Variants in APPL2 observed in about 807,000 individuals in gnomAD.
APPL2 encodes the protein DCC-interacting protein 13-beta.
A neutral mutation model predicts 92.7 loss-of-function variants in APPL2; 84 were observed. The ratio of observed to expected loss-of-function variants is 0.91; its 90% CI spans 0.76 to 1.09. The LOEUF (loss-of-function observed/expected upper bound fraction) is 1.09, where lower values mean the gene tolerates loss of function less well. Among genes scored for constraint, APPL2 ranks in the 50% least tolerant of loss-of-function variants. APPL2 has a pLI of 0.00. For synonymous variants in APPL2, 291 were observed against 291.0 expected, an observed-to-expected ratio of 1.00 and a Z score of 0.00; for missense variants, 736 against 824.5, an observed-to-expected ratio of 0.89 and a Z score of 1.31.
chr12:105,214,549 T>C (rs752374696), intron 4 of APPL2, among the ~76,000 whole-genome samples: 1 of 152,272 alleles, frequency 6.6e-6, no homozygotes, highest in Non-Finnish European at 1.5e-5. Context: ...TGTGATATCA[T>C]GATATAATAA....
At chr12:105,174,731 ATCTT>A (rs1205242356) in intron 20 of APPL2, among the ~76,000 whole-genome samples, 5 of 152,200 alleles carry the variant, frequency 3.3e-5, no homozygotes, top group African/African-American at 4.8e-5. Context: ...TGTCTTCTCT[ATCTT>A]TAAACTCCTT....
intron 4 of APPL2, among the ~76,000 whole-genome samples, chr12:105,212,917 A>G (rs560859759): frequency 2.0e-5 from 3 of 152,338 alleles, no homozygotes; most frequent in Non-Finnish European, 4.4e-5. Flanking sequence ...CTATCGCTCA[A>G]CCAAGTCAAA....
At chr12:105,208,960 A>G (rs1888991382) in intron 5 of APPL2, among the ~76,000 whole-genome samples, 1 of 152,232 alleles carries the variant, frequency 6.6e-6, no homozygotes, top group East Asian at 1.9e-4. Flanking sequence ...TGGTTATACT[A>G]GTTTTCAATT....
At chr12:105,183,277 G>C (rs1297156503) in intron 17 of APPL2, among the ~76,000 whole-genome samples, 1 of 152,098 alleles carries the variant, frequency 6.6e-6, no homozygotes, top group East Asian at 1.9e-4. Flanking sequence ...ATATTGTTAT[G>C]TGTGAATGTG....
intron 11 of APPL2, among the ~76,000 whole-genome samples, chr12:105,197,238 A>C (rs1024923583): frequency 6.6e-6 from 1 of 152,182 alleles, no homozygotes; most frequent in African/African-American, 2.4e-5. Context: ...GCGGATTGGT[A>C]AAGTACCACC....
At chr12:105,199,151 G>A (rs988256834) in intron 10 of APPL2, among the ~76,000 whole-genome samples, 9 of 152,154 alleles carry the variant, frequency 5.9e-5, no homozygotes, top group Non-Finnish European at 1.2e-4. Flanking sequence ...ACAGCACCAG[G>A]CTCTTAGAGG....
At chr12:105,200,114 G>A (rs1236937595) in intron 9 of APPL2, among the ~76,000 whole-genome samples, 4 of 152,046 alleles carry the variant, frequency 2.6e-5, no homozygotes, top group Non-Finnish European at 5.9e-5. Flanking sequence ...GATTACAGGC[G>A]TGAGCCACCG....
chr12:105,180,339 C>G (rs369792307), intron 17 of APPL2, among the ~76,000 whole-genome samples: 1 of 152,234 alleles, frequency 6.6e-6, no homozygotes, highest in African/African-American at 2.4e-5. Context: ...GTCTATATAT[C>G]TGTTTTGGTA....
chr12:105,233,791 G>A (rs1451413961), intron 1 of APPL2, among the ~76,000 whole-genome samples: 1 of 152,192 alleles, frequency 6.6e-6, no homozygotes, highest in Non-Finnish European at 1.5e-5. Context: ...CTGCTCCTTA[G>A]TTATTTAAAT....
chr12:105,198,511 T>C (rs564832856), intron 10 of APPL2, among the ~76,000 whole-genome samples: 9 of 152,336 alleles, frequency 5.9e-5, no homozygotes, highest in African/African-American at 1.9e-4. Flanking sequence ...ATTTAGCTTG[T>C]GATCGCTGCA....
At chr12:105,219,090 G>A (rs546868577) in intron 2 of APPL2, among the ~76,000 whole-genome samples, 7 of 152,218 alleles carry the variant, frequency 4.6e-5, no homozygotes, top group Non-Finnish European at 8.8e-5. Flanking sequence ...CACAGATGAT[G>A]GGAGGACACT....
chr12:105,195,547 C>A, intron 12 of APPL2, 38 bp downstream of exon 12: 1 of 1,614,208 alleles, frequency 6.2e-7, no homozygotes, highest in Non-Finnish European at 8.5e-7. Context: ...AAGTCACCCA[C>A]CACGTTAGGA....
At chr12:105,200,193 A>C (rs1181066764) in intron 9 of APPL2, among the ~76,000 whole-genome samples, 1 of 152,128 alleles carries the variant, frequency 6.6e-6, no homozygotes, top group Admixed American at 6.5e-5. Flanking sequence ...CCGTTGATGG[A>C]AATTTTTGGA....
chr12:105,206,791 AAAAG>A, intron 8 of APPL2: 1 of 313,996 alleles, frequency 3.2e-6, no homozygotes, highest in East Asian at 6.1e-5. Flanking sequence ...GGATTAGAAA[AAAAG>A]GGCCACACAG....
chr12:105,216,332 G>C (rs2136043584), intron 4 of APPL2, among the ~76,000 whole-genome samples: 1 of 152,094 alleles, frequency 6.6e-6, no homozygotes, highest in East Asian at 1.9e-4. Flanking sequence ...GGGCAACAAA[G>C]CAAGAGGCCA....
In APPL2 at chr12:105,195,570, A is replaced by C; in HGVS notation, c.1095+15T>G. 1.2e-6 allele frequency: 2 copies of C among 1,614,256 alleles called. No homozygotes were observed. Among genetic ancestry groups the C allele is most frequent in the Non-Finnish European group, 1.7e-6 (2 of 1,180,046 alleles). On this transcript the variant is annotated intron_variant, in intron 12 of 20. Coordinates refer to ENST00000258530, the MANE Select transcript of APPL2 (RefSeq NM_018171.5). Reference sequence around the variant, plus strand: ...CACCACGTTAGGAAAGAAATATGACAAACAAAATTTTTACCTCTTCATTTT... The same window carrying C: ...CACCACGTTAGGAAAGAAATATGACCAACAAAATTTTTACCTCTTCATTTT...
intron 2 of APPL2, among the ~76,000 whole-genome samples, chr12:105,227,032 G>A (rs1311668532): frequency 6.6e-6 from 1 of 151,606 alleles, no homozygotes; most frequent in Non-Finnish European, 1.5e-5. Flanking sequence ...GAGGCAGGAG[G>A]ATTACTTGAG....
intron 2 of APPL2, among the ~76,000 whole-genome samples, chr12:105,228,170 T>C (rs1174570314): frequency 6.6e-6 from 1 of 152,362 alleles, no homozygotes; most frequent in East Asian, 1.9e-4. Context: ...GTAAGAGCTA[T>C]ATACTACTGA....
intron 17 of APPL2, among the ~76,000 whole-genome samples, chr12:105,186,627 C>CGAT (rs1555248024): frequency 1.0e-5 from 1 of 100,292 alleles, no homozygotes; most frequent in African/African-American, 5.1e-5. Context: ...ATATATATAT[C>CGAT]ATATATATCA....
Sources: allele counts gnomAD v4.1 joint callset (sites outside exome capture counted in the v4.1 genomes callset), GRCh38; gene constraint gnomAD v4.1.1; transcripts MANE v1.5; gene names NCBI Gene and HGNC (gene_info 2026-07-23, HGNC 2026-07-21).